Variants in EBF1 observed in about 807,000 individuals in gnomAD.
EBF1 encodes the protein transcription factor COE1.
Under a neutral mutation model 68.4 loss-of-function variants are expected in EBF1, and 10 were observed. The ratio of observed to expected loss-of-function variants is 0.15; its 90% CI spans 0.09 to 0.25. The LOEUF (loss-of-function observed/expected upper bound fraction) is 0.25. Ranked by LOEUF, EBF1 falls within the 10% of genes least tolerant of loss-of-function variation. The pLI is 1.00. For missense variants in EBF1, 509 were observed against 794.4 expected, an observed-to-expected ratio of 0.64 and a Z score of 4.32; for synonymous variants, 298 against 299.8, an observed-to-expected ratio of 0.99 and a Z score of 0.06.
intron 6 of EBF1, among the ~76,000 whole-genome samples, chr5:158,870,317 T>C (rs1430716872): frequency 6.6e-6 from 1 of 152,116 alleles, no homozygotes; most frequent in Non-Finnish European, 1.5e-5. Flanking sequence ...TAGGAAGCAA[T>C]AAAATTTCAT....
At chr5:159,006,195 C>T (rs1029308718) in intron 6 of EBF1, among the ~76,000 whole-genome samples, 3 of 152,180 alleles carry the variant, frequency 2.0e-5, no homozygotes, top group African/African-American at 7.2e-5. Flanking sequence ...GAGAAAACTG[C>T]ATGTGTTCCC....
At chr5:158,954,752 C>T (rs1160570500) in intron 6 of EBF1, among the ~76,000 whole-genome samples, 1 of 152,146 alleles carries the variant, frequency 6.6e-6, no homozygotes, top group Non-Finnish European at 1.5e-5. Context: ...ATATTTATCT[C>T]GCTGAGGCAC....
At chr5:158,859,771 C>T (rs1188928709) in intron 6 of EBF1, among the ~76,000 whole-genome samples, 1 of 152,348 alleles carries the variant, frequency 6.6e-6, no homozygotes, top group East Asian at 1.9e-4. Flanking sequence ...CTCAAGCCAA[C>T]TCCAAATCCA....
At chr5:158,714,947 C>T (rs6870922) in intron 11 of EBF1, among the ~76,000 whole-genome samples, 16,367 of 151,986 alleles carry the variant, frequency 0.11, 2,580 homozygotes, top group African/African-American at 0.35. Context: ...TTAGGTGGAC[C>T]TCCATATTTA....
intron 6 of EBF1, among the ~76,000 whole-genome samples, chr5:158,876,016 T>C (rs534648241): frequency 9.1e-4 from 138 of 152,234 alleles, no homozygotes; most frequent in Admixed American, 2.9e-3. Context: ...TCTAGGATCT[T>C]AGCACAGGAA....
intron 9 of EBF1, among the ~76,000 whole-genome samples, chr5:158,795,789 C>T (rs31862): frequency 0.17 from 26,251 of 152,122 alleles, 2,601 homozygotes; most frequent in Non-Finnish European, 0.22. Flanking sequence ...TGCAGTCACA[C>T]ACTGAGATGC....
At chr5:158,969,829 GAAAA>G (rs1274272542) in intron 6 of EBF1, among the ~76,000 whole-genome samples, 19 of 108,870 alleles carry the variant, frequency 1.7e-4, no homozygotes, top group African/African-American at 6.6e-4. Flanking sequence ...AAGAAAGACA[GAAAA>G]GAAAGAAAGA....
chr5:158,762,058 C>A (rs963119136), intron 10 of EBF1, among the ~76,000 whole-genome samples: 1 of 152,102 alleles, frequency 6.6e-6, no homozygotes, highest in Admixed American at 6.6e-5. Flanking sequence ...GATATAGGGG[C>A]TCAATTCCTT....
intron 6 of EBF1, among the ~76,000 whole-genome samples, chr5:158,972,291 C>A (rs1467232457): frequency 1.3e-5 from 2 of 152,164 alleles, no homozygotes; most frequent in Admixed American, 1.3e-4. Context: ...CAGTCACCTG[C>A]CCATATTACC....
At position 158,940,755 on chromosome 5, in the gene EBF1, A is replaced by ACCC. The variant is rs1332861007; in HGVS notation, c.555-100648_555-100646dup. 1.5e-3 allele frequency among the ~76,000 whole-genome samples: 10 copies of ACCC among 6,550 alleles called. 1 individual carries two copies. Among genetic ancestry groups the ACCC allele is most frequent in the African/African-American group, 1.8e-3 (4 of 2,182 alleles). 4.3% of individuals were successfully genotyped at this position (6,550 alleles called of 152,430 possible). A position where few individuals can be genotyped will look rare whatever the true frequency, so the allele number is the denominator to read the frequency against. On this transcript the variant is annotated intron_variant, in intron 6 of 15. Coordinates refer to ENST00000313708, the MANE Select transcript of EBF1 (RefSeq NM_024007.5). The stretch of plus-strand genomic sequence containing the variant: ...TTAGCCTTCTGACTGCACCCCCTTC[A>ACCC]CCCCACCGCCCCCCCCCCCCCCCCG...
chr5:158,926,134 C>T (rs999211761), intron 6 of EBF1, among the ~76,000 whole-genome samples: 7 of 152,132 alleles, frequency 4.6e-5, no homozygotes, highest in Non-Finnish European at 1.0e-4. Context: ...TATTTCTAAA[C>T]CCCCAAAAAT....
intron 9 of EBF1, among the ~76,000 whole-genome samples, chr5:158,778,959 T>C (rs552014375): frequency 6.6e-6 from 1 of 152,242 alleles, no homozygotes; most frequent in East Asian, 1.9e-4. Context: ...TTTTTTTTCC[T>C]GTTGTTCTTA....
At chr5:159,086,793 A>C (rs1178249850) in intron 4 of EBF1, among the ~76,000 whole-genome samples, 1 of 152,130 alleles carries the variant, frequency 6.6e-6, no homozygotes, top group Non-Finnish European at 1.5e-5. Context: ...TGTAGACGTA[A>C]TCCAGATTGT....
At chr5:159,008,583 T>C (rs1484038521) in intron 6 of EBF1, among the ~76,000 whole-genome samples, 1 of 151,516 alleles carries the variant, frequency 6.6e-6, no homozygotes, top group African/African-American at 2.4e-5. Context: ...TGGACAGCAG[T>C]GGCACAATCT....
chr5:159,068,425 C>A (rs1777228154), intron 6 of EBF1, among the ~76,000 whole-genome samples: 1 of 151,932 alleles, frequency 6.6e-6, no homozygotes, highest in Non-Finnish European at 1.5e-5. Context: ...ATAGATAGAT[C>A]TCTCCTAACT....
intron 5 of EBF1, among the ~76,000 whole-genome samples, chr5:159,075,580 C>T (rs4921279): frequency 0.16 from 24,207 of 152,062 alleles, 2,569 homozygotes; most frequent in East Asian, 0.34. Context: ...ATTTTCTCCT[C>T]CCCCACTACA....
At chr5:158,951,538 G>A in intron 6 of EBF1, among the ~76,000 whole-genome samples, 1 of 152,136 alleles carries the variant, frequency 6.6e-6, no homozygotes, top group East Asian at 1.9e-4. Context: ...AGATTCAATG[G>A]GGTCTTCTTC....
At chr5:158,905,435 T>G (rs1024782734) in intron 6 of EBF1, among the ~76,000 whole-genome samples, 2 of 152,218 alleles carry the variant, frequency 1.3e-5, no homozygotes, top group Non-Finnish European at 2.9e-5. Flanking sequence ...GTCTGGACAG[T>G]GGCATTTTGG....
chr5:158,828,551 TA>T (rs545719633), intron 7 of EBF1, among the ~76,000 whole-genome samples: 60 of 152,192 alleles, frequency 3.9e-4, no homozygotes, highest in African/African-American at 1.4e-3. Flanking sequence ...TTTATAGAAC[TA>T]AAAATACACC....
Sources: gnomAD v4.1 joint callset for allele counts (sites outside exome capture counted in the v4.1 genomes callset) on GRCh38, gnomAD v4.1.1 for gene constraint, MANE v1.5 for transcripts, NCBI Gene and HGNC (gene_info 2026-07-23, HGNC 2026-07-21) for gene names.